Variants in ASTN2 observed in about 807,000 individuals in gnomAD.
ASTN2 encodes astrotactin 2.
A neutral mutation model predicts 139.8 loss-of-function variants in ASTN2; 54 were observed. That is an observed-to-expected ratio of 0.39 (90% CI 0.31 to 0.48). The LOEUF (loss-of-function observed/expected upper bound fraction) is 0.48, where lower values mean the gene tolerates loss of function less well. Among genes scored for constraint, ASTN2 ranks in the 20% least tolerant of loss-of-function variants. The pLI is 0.95. For missense variants in ASTN2, 1,565 were observed against 1,725.1 expected (o/e 0.91, Z 1.64); for synonymous variants, 756 against 719.5 (o/e 1.05, Z -0.81).
intron 10 of ASTN2, among the ~76,000 whole-genome samples, chr9:116,916,272 G>A (rs1834444288): frequency 1.3e-5 from 2 of 152,172 alleles, no homozygotes; most frequent in Admixed American, 1.3e-4. Context: ...CATCTCCTCA[G>A]ACACCCAAAG....
At chr9:116,572,745 A>G (rs1165032241) in intron 19 of ASTN2, among the ~76,000 whole-genome samples, 2 of 152,172 alleles carry the variant, frequency 1.3e-5, no homozygotes, top group Non-Finnish European at 2.9e-5. Context: ...CCTTGGGAAT[A>G]ATTTCCCAAG....
intron 2 of ASTN2, among the ~76,000 whole-genome samples, chr9:117,276,416 AC>A (rs1298721792): frequency 6.6e-6 from 1 of 152,188 alleles, no homozygotes; most frequent in Non-Finnish European, 1.5e-5. Flanking sequence ...AACATCTGCT[AC>A]CACAAGAGAG....
At chr9:117,298,656 GTATATATATATGTGTATATATATA>G (rs201656705) in intron 1 of ASTN2, among the ~76,000 whole-genome samples, 2,321 of 110,018 alleles carry the variant, frequency 0.021, 33 homozygotes, top group Admixed American at 0.032. Flanking sequence ...CTTGGTGTGT[GTATATATATATGTGTATATATATA>G]TATATATATA....
intron 7 of ASTN2, among the ~76,000 whole-genome samples, chr9:117,006,564 G>C (rs1837359654): frequency 6.6e-6 from 1 of 152,160 alleles, no homozygotes; most frequent in Middle Eastern, 3.4e-3. Flanking sequence ...TAGAGTAATA[G>C]GGCCTTTGAA....
chr9:116,639,962 C>G (rs1857251861), intron 17 of ASTN2, among the ~76,000 whole-genome samples: 1 of 152,152 alleles, frequency 6.6e-6, no homozygotes, highest in Admixed American at 6.6e-5. Flanking sequence ...TGAATTTCTA[C>G]TATGCATCAG....
At chr9:116,647,787 A>G (rs1857676237) in intron 17 of ASTN2, among the ~76,000 whole-genome samples, 1 of 152,154 alleles carries the variant, frequency 6.6e-6, no homozygotes, top group Non-Finnish European at 1.5e-5. Flanking sequence ...TCACTGATAC[A>G]ACACTAGTCG....
chr9:116,642,707 G>A (rs1333156394), intron 17 of ASTN2, among the ~76,000 whole-genome samples: 3 of 152,092 alleles, frequency 2.0e-5, no homozygotes, highest in African/African-American at 7.2e-5. Context: ...ATCCCCAAAT[G>A]CCAAATTAAC....
chr9:117,055,212 T>C (rs1839023166), intron 5 of ASTN2, among the ~76,000 whole-genome samples: 1 of 152,176 alleles, frequency 6.6e-6, no homozygotes, highest in Non-Finnish European at 1.5e-5. Flanking sequence ...TTCATTTACT[T>C]TGACAACAAA....
At chr9:117,069,939 C>T (rs1159109599) in intron 5 of ASTN2, among the ~76,000 whole-genome samples, 1 of 111,586 alleles carries the variant, frequency 9.0e-6, no homozygotes, top group East Asian at 3.0e-4. Context: ...ATACAGCACA[C>T]TGATGGGTCT....
intron 22 of ASTN2, among the ~76,000 whole-genome samples, chr9:116,438,258 C>T (rs946584767): frequency 1.3e-5 from 2 of 152,232 alleles, no homozygotes; most frequent in African/African-American, 4.8e-5. Context: ...GACACCTATA[C>T]TCAAGCCAGA....
At chr9:117,050,035 C>A (rs1838870808) in intron 5 of ASTN2, among the ~76,000 whole-genome samples, 1 of 152,110 alleles carries the variant, frequency 6.6e-6, no homozygotes, top group African/African-American at 2.4e-5. Flanking sequence ...TCGACTGGTG[C>A]TGACTTACCC....
chr9:116,969,869 C>T (rs1349606160), intron 10 of ASTN2, among the ~76,000 whole-genome samples: 3 of 152,178 alleles, frequency 2.0e-5, no homozygotes, highest in Non-Finnish European at 4.4e-5. Context: ...TCTGTGGCTG[C>T]TGCAACAAAT....
chr9:117,184,095 C>A (rs377089829), intron 3 of ASTN2, among the ~76,000 whole-genome samples: 2 of 152,228 alleles, frequency 1.3e-5, no homozygotes, highest in East Asian at 3.9e-4. Flanking sequence ...GGTGTAGAGA[C>A]CTCACAATCC....
At chr9:116,481,483 C>T (rs1588099992) in intron 20 of ASTN2, among the ~76,000 whole-genome samples, 1 of 152,172 alleles carries the variant, frequency 6.6e-6, no homozygotes, top group African/African-American at 2.4e-5. Context: ...ATTTCATAGG[C>T]CTAATTTAAA....
At chr9:116,947,786 G>A (rs1835439977) in intron 10 of ASTN2, among the ~76,000 whole-genome samples, 2 of 152,168 alleles carry the variant, frequency 1.3e-5, no homozygotes, top group African/African-American at 2.4e-5. Context: ...TAACAATATA[G>A]CCATCAAAAT....
chr9:116,778,157 C>G (rs1310051741), intron 13 of ASTN2, among the ~76,000 whole-genome samples: 1 of 151,740 alleles, frequency 6.6e-6, no homozygotes, highest in Non-Finnish European at 1.5e-5. Flanking sequence ...TAATAAGCTC[C>G]CAAGTGACGT....
chr9:116,887,009 G>C (rs139000030), intron 10 of ASTN2, among the ~76,000 whole-genome samples: 1 of 151,996 alleles, frequency 6.6e-6, no homozygotes, highest in East Asian at 1.9e-4. Flanking sequence ...TAATCAAATG[G>C]GAATACGAAT....
chr9:116,893,489 C>T (rs962704571), intron 10 of ASTN2, among the ~76,000 whole-genome samples: 2 of 152,134 alleles, frequency 1.3e-5, no homozygotes, highest in Non-Finnish European at 2.9e-5. Flanking sequence ...CTCTTACTAG[C>T]TAGGTGACTT....
intron 4 of ASTN2, among the ~76,000 whole-genome samples, chr9:117,110,397 G>A (rs537369854): frequency 5.3e-5 from 8 of 152,190 alleles, no homozygotes; most frequent in Admixed American, 2.0e-4. Flanking sequence ...ATGGAAAATC[G>A]CCTTAATATC....
Sources: gnomAD v4.1 joint callset for allele counts (sites outside exome capture counted in the v4.1 genomes callset) on GRCh38, gnomAD v4.1.1 for gene constraint, MANE v1.5 for transcripts, NCBI Gene and HGNC (gene_info 2026-07-23, HGNC 2026-07-21) for gene names.